The following TMEM132C variants were observed in gnomAD, a reference collection of about 807,000 sequenced individuals.
TMEM132C encodes transmembrane protein 132C, also known as protein phosphatase 1, regulatory subunit 152.
TMEM132C carries 29 observed loss-of-function variants against 61.4 expected under a neutral mutation model. That is an observed-to-expected ratio of 0.47 (90% confidence interval 0.35 to 0.64). The LOEUF (loss-of-function observed/expected upper bound fraction) is 0.64, where lower values mean the gene tolerates loss of function less well. Ranked by LOEUF, TMEM132C falls within the 30% of genes least tolerant of loss-of-function variation. The pLI, the probability that TMEM132C is intolerant of heterozygous loss-of-function variation, is 0.00. For missense variants in TMEM132C, 1,408 were observed against 1,476.9 expected (o/e 0.95, Z 0.76); for synonymous variants, 656 against 633.1 (o/e 1.04, Z -0.54).
chr12:128,295,690 G>A (rs1274281110), intron 1 of TMEM132C, among the ~76,000 whole-genome samples: 1 of 146,638 alleles, frequency 6.8e-6, no homozygotes, highest in African/African-American at 2.5e-5. Context: ...CCTGAAGAAA[G>A]AAGAAAAATA....
intron 5 of TMEM132C, among the ~76,000 whole-genome samples, chr12:128,674,960 T>C (rs1954569138): frequency 6.6e-6 from 1 of 152,230 alleles, no homozygotes; most frequent in Non-Finnish European, 1.5e-5. Flanking sequence ...TTCCATTATC[T>C]GCTTGGCCCG....
intron 1 of TMEM132C, among the ~76,000 whole-genome samples, chr12:128,285,978 CCTTTCTCT>C (rs1484246536): frequency 4.9e-5 from 6 of 122,032 alleles, no homozygotes; most frequent in Non-Finnish European, 1.0e-4. Context: ...TCTCTCTCTC[CCTTTCTCT>C]CTTTCTCTCT....
At chr12:128,501,588 G>GAT (rs1565954895) in intron 2 of TMEM132C, among the ~76,000 whole-genome samples, 40 of 152,264 alleles carry the variant, frequency 2.6e-4, no homozygotes, top group African/African-American at 9.4e-4. Flanking sequence ...GGGCTGTGAC[G>GAT]TGCTCTACCA....
intron 1 of TMEM132C, among the ~76,000 whole-genome samples, chr12:128,344,132 C>T (rs1873072563): frequency 6.6e-6 from 1 of 152,016 alleles, no homozygotes; most frequent in South Asian, 2.1e-4. Flanking sequence ...TACATGTTTT[C>T]GTGTGGATAT....
Position 128,375,085 on chromosome 12 carries a change from C to T in TMEM132C, c.86-39647C>T, listed in dbSNP as rs1223536245. Among the ~76,000 whole-genome samples the T allele has an allele frequency of 3.9e-5, 6 of 151,950 alleles. No individual in the cohort carries two copies. In the East Asian group the frequency reaches 5.8e-4, roughly 15 times the overall value. On this transcript the variant is annotated intron_variant, in intron 1 of 8. Transcript: ENST00000435159. Reference sequence around the variant, plus strand: ...GTACTATGCAATGTTCAGCAGCGTCCGTGGCCCCTAGCCACAGATGCCAGT... The same window carrying T: ...GTACTATGCAATGTTCAGCAGCGTCTGTGGCCCCTAGCCACAGATGCCAGT...
At chr12:128,358,263 T>C (rs948986883) in intron 1 of TMEM132C, among the ~76,000 whole-genome samples, 1 of 152,138 alleles carries the variant, frequency 6.6e-6, no homozygotes, top group African/African-American at 2.4e-5. Flanking sequence ...GAAAGAAAGA[T>C]TCCTACATAT....
intron 5 of TMEM132C, among the ~76,000 whole-genome samples, chr12:128,676,369 A>G (rs1008114962): frequency 6.7e-6 from 1 of 149,676 alleles, no homozygotes; most frequent in Non-Finnish European, 1.5e-5. Flanking sequence ...ATATACATAC[A>G]TATTTTGTTT....
chr12:128,491,779 G>A (rs1871735906), intron 2 of TMEM132C, among the ~76,000 whole-genome samples: 2 of 151,820 alleles, frequency 1.3e-5, no homozygotes, highest in African/African-American at 4.8e-5. Flanking sequence ...ACTTCAGGTT[G>A]CCTCCAGGAG....
rs7316019 is a variant in TMEM132C, at chr12:128,705,935, G to A, written c.2967G>A (p.Pro989=). The stretch of plus-strand genomic sequence containing the variant: ...TGGAGAGCATGGGGGATGCGCCGCC[G>A]CCCCAGGACGAGCACACCACCATCA... The part of the protein sequence containing the change: ...ELLESMGDAP[P]PQDEHTTIID... The change falls in exon 9 of 9, where the codon CCG becomes CCA. Residue 989 remains proline (P), a synonymous_variant. Coordinates refer to ENST00000435159, the MANE Select transcript of TMEM132C (RefSeq NM_001136103.3). The A allele has an allele frequency of 0.092, 142,793 of 1,551,278 alleles. 9,238 individuals are homozygous for A. Among genetic ancestry groups the A allele is most frequent in the African/African-American group, 0.35 (25,241 of 73,044 alleles).
chr12:128,325,882 G>A (rs1269161280), intron 1 of TMEM132C, among the ~76,000 whole-genome samples: 3 of 152,078 alleles, frequency 2.0e-5, no homozygotes. Flanking sequence ...TTGTTGGACA[G>A]CTAGCAGTTT....
intron 2 of TMEM132C, among the ~76,000 whole-genome samples, chr12:128,427,428 G>GCGTGTA (rs1869230910): frequency 7.7e-6 from 1 of 129,196 alleles, no homozygotes; most frequent in South Asian, 2.9e-4. Flanking sequence ...GTGTGTGTGT[G>GCGTGTA]TATATATATT....
Position 128,570,395 on chromosome 12 carries a change from A to G in TMEM132C, c.1121+26292A>G, listed in dbSNP as rs1012034174. The stretch of plus-strand genomic sequence containing the variant: ...AATCTTGTTTTGACATGCACGTCAG[A>G]GAAAAACTGCTCTGATGAATGGGTC... On this transcript the variant is annotated intron_variant, in intron 3 of 8. Coordinates refer to ENST00000435159, the MANE Select transcript of TMEM132C (RefSeq NM_001136103.3). This position sits in a 1 kb window ranked among gnomAD's most constrained non-coding sequence, Gnocchi z 4.7. Among the ~76,000 whole-genome samples, 1 of 152,256 alleles carries G rather than the reference A, an allele frequency of 6.6e-6. No homozygotes were observed. The highest frequency in any genetic ancestry group is 2.1e-4 in the South Asian group (1 of 4,834).
At chr12:128,599,041 A>G (rs1391028434) in intron 3 of TMEM132C, among the ~76,000 whole-genome samples, 4 of 141,398 alleles carry the variant, frequency 2.8e-5, no homozygotes, top group Non-Finnish European at 6.4e-5. Context: ...GTGGGAAGGA[A>G]AAAAGAAGCC....
chr12:128,600,754 G>C (rs757166570), intron 3 of TMEM132C, among the ~76,000 whole-genome samples: 2 of 152,234 alleles, frequency 1.3e-5, no homozygotes, highest in African/African-American at 2.4e-5. Context: ...GGACCACAAT[G>C]ATGCGCTTCT....
chr12:128,288,035 C>T (rs1223442295), intron 1 of TMEM132C: 3 of 151,580 alleles, frequency 2.0e-5, no homozygotes, highest in Admixed American at 6.6e-5. Flanking sequence ...CCACAGTTAT[C>T]CCTGCAGGAT....
chr12:128,616,051 G>T, intron 3 of TMEM132C, 101 bp from the exon 4 acceptor site: 1 of 1,383,276 alleles, frequency 7.2e-7, no homozygotes, highest in Middle Eastern at 2.0e-4. Flanking sequence ...AGCCATCCCT[G>T]AGATGTGTTT....
intron 1 of TMEM132C, among the ~76,000 whole-genome samples, chr12:128,401,455 T>C (rs1443078656): frequency 6.6e-6 from 1 of 152,168 alleles, no homozygotes; most frequent in African/African-American, 2.4e-5. Context: ...GTCAGATACT[T>C]GCTCCTGTAT....
At chr12:128,395,487 T>A (rs1008617232) in intron 1 of TMEM132C, among the ~76,000 whole-genome samples, 7 of 152,198 alleles carry the variant, frequency 4.6e-5, no homozygotes. Flanking sequence ...GATAAATCCA[T>A]TGTAAATTGA....
At chr12:128,585,847 A>T (rs1875524906) in intron 3 of TMEM132C, among the ~76,000 whole-genome samples, 1 of 152,200 alleles carries the variant, frequency 6.6e-6, no homozygotes, top group East Asian at 1.9e-4. Context: ...GGTCAAGTTC[A>T]TAGAGACGGA....
Sources: allele counts gnomAD v4.1 joint callset (sites outside exome capture counted in the v4.1 genomes callset), GRCh38; gene constraint gnomAD v4.1.1; non-coding constraint Gnocchi (gnomAD v3.1); transcripts MANE v1.5; gene names NCBI Gene and HGNC (gene_info 2026-07-23, HGNC 2026-07-21).